The following ARID1A variants were observed in gnomAD, a reference collection of about 807,000 sequenced individuals.
ARID1A encodes AT-rich interactive domain-containing protein 1A.
Under a neutral mutation model 212.6 loss-of-function variants are expected in ARID1A, and 20 were observed. That is an observed-to-expected ratio of 0.09 (90% CI 0.07 to 0.14). The LOEUF is 0.14. ARID1A is among the 10% of genes least tolerant of loss of function. ARID1A has a pLI of 1.00. For synonymous variants in ARID1A, 1,376 were observed against 1,222.1 expected (o/e 1.13, Z -2.63); for missense variants, 2,587 against 3,059.0 (o/e 0.85, Z 3.64).
intron 4 of ARID1A, among the ~76,000 whole-genome samples, chr1:26,733,763 A>T (rs1211452268): frequency 6.6e-6 from 1 of 152,192 alleles, no homozygotes; most frequent in African/African-American, 2.4e-5. Context: ...AGGAAATGGA[A>T]ATTCAGCCAC....
At chr1:26,704,462 T>C (rs1222963044) in intron 1 of ARID1A, among the ~76,000 whole-genome samples, 1 of 152,156 alleles carries the variant, frequency 6.6e-6, no homozygotes, top group Non-Finnish European at 1.5e-5. Flanking sequence ...CTGGGAGCTG[T>C]GTTCAAGTCA....
At chr1:26,725,217 C>T (rs1444333798) in intron 1 of ARID1A, among the ~76,000 whole-genome samples, 1 of 152,026 alleles carries the variant, frequency 6.6e-6, no homozygotes, top group Non-Finnish European at 1.5e-5. Flanking sequence ...GTTTCCATCC[C>T]CTGCCTTGTG....
rs769438406 is a variant in ARID1A, at chr1:26,779,378, G to A, written c.5480G>A (p.Cys1827Tyr). Residue 1827 changes from cysteine (C) to tyrosine (Y), a missense_variant, in exon 20 of 20, where the codon TGC (cysteine) becomes TAC (tyrosine). This residue lies in a region of ARID1A where 890 missense variants were observed against 1,098.2 expected (regional missense o/e 0.81). Transcript: ENST00000324856. ...VQKNDPFVVD[C>Y]SDKLGRVQEF... The stretch of plus-strand genomic sequence containing the variant: ...AAGAATGATCCATTTGTGGTGGACT[G>A]CTCAGATAAGCTTGGGCGTGTGCAG... 1.2e-6 allele frequency: 2 copies of A among 1,614,230 alleles called. No individual in the cohort carries two copies. The highest frequency in any genetic ancestry group is 2.7e-5 in the African/African-American group (2 of 75,058).
chr1:26,778,068 CAAAAA>C (rs35541790), intron 19 of ARID1A: 2 of 101,108 alleles, frequency 2.0e-5, no homozygotes, highest in African/African-American at 3.9e-5. Context: ...GACTCTGTCT[CAAAAA>C]AAAAAAAAAA....
chr1:26,753,782 T>A (rs1463839009), intron 4 of ARID1A, among the ~76,000 whole-genome samples: 1 of 152,204 alleles, frequency 6.6e-6, no homozygotes, highest in Non-Finnish European at 1.5e-5. Flanking sequence ...TTAGGTGTGC[T>A]CTTTTGGGAG....
intron 4 of ARID1A, among the ~76,000 whole-genome samples, chr1:26,741,512 G>A (rs2080788339): frequency 6.6e-6 from 1 of 152,186 alleles, no homozygotes; most frequent in Non-Finnish European, 1.5e-5. Flanking sequence ...AGAGGGAAAA[G>A]TGAAGGTGCT....
intron 1 of ARID1A, among the ~76,000 whole-genome samples, chr1:26,704,646 C>G (rs1041929464): frequency 6.6e-6 from 1 of 152,008 alleles, no homozygotes; most frequent in Non-Finnish European, 1.5e-5. Flanking sequence ...TTGCCCAAGC[C>G]CAGGACCAGC....
chr1:26,780,868 GCTGTCCAGCTTCTCCCT>G lies in ARID1A; in HGVS notation c.*113_*129del, dbSNP rs1288293349. Reference sequence around the variant, plus strand: ...CACCTCAGAATCCAGTTTACCCTGTGCTGTCCAGCTTCTCCCTTGGGAAAAAGTCTCTCCTGTTTCTC... The same window carrying G: ...CACCTCAGAATCCAGTTTACCCTGTGTGGGAAAAAGTCTCTCCTGTTTCTC... On this transcript the variant is annotated 3_prime_UTR_variant, in exon 20 of 20. Coordinates refer to ENST00000324856, the MANE Select transcript of ARID1A (RefSeq NM_006015.6). This position sits in a 1 kb window ranked among gnomAD's most constrained non-coding sequence, Gnocchi z 7.2. The G allele has an allele frequency of 1.4e-6, 2 of 1,411,274 alleles. No individual in the cohort carries two copies. The highest frequency in any genetic ancestry group is 1.9e-6 in the Non-Finnish European group (2 of 1,055,466). 87.4% of individuals were successfully genotyped at this position (1,411,274 alleles called of 1,614,324 possible).
chr1:26,710,485 A>AC (rs2124762841), intron 1 of ARID1A, among the ~76,000 whole-genome samples: 3 of 135,478 alleles, frequency 2.2e-5, no homozygotes, highest in Admixed American at 8.0e-5. Flanking sequence ...CAAAAAATAA[A>AC]ATAATACATA....
chr1:26,779,393 G>T lies in ARID1A; in HGVS notation c.5495G>T (p.Gly1832Val), dbSNP rs1570621587. The T allele has an allele frequency of 6.2e-7, 1 of 1,614,182 alleles. No homozygotes were observed. The highest frequency in any genetic ancestry group is 1.1e-5 in the South Asian group (1 of 91,090). ...GTGGTGGACTGCTCAGATAAGCTTG[G>T]GCGTGTGCAGGAGTTTGACAGTGGC... is the stretch of plus-strand genomic sequence containing the variant. ...PFVVDCSDKL[G>V]RVQEFDSGLL... The change falls in exon 20 of 20, where the codon GGG becomes GTG. Residue 1832 changes from glycine to valine, a missense_variant. By Grantham distance (109) the Gly-to-Val change is moderately radical. Coordinates refer to ENST00000324856, the MANE Select transcript of ARID1A (RefSeq NM_006015.6).
Position 26,779,856 on chromosome 1 carries a change from T to C in ARID1A, c.5958T>C (p.Asn1986=), listed in dbSNP as rs770488183. Residue 1986 remains asparagine, a synonymous_variant, in exon 20 of 20, where the codon AAT becomes AAC. Coordinates refer to ENST00000324856, the MANE Select transcript of ARID1A (RefSeq NM_006015.6). ...CCAAGCGCTGCGTCTGTGTGTCCAA[T>C]ACCATTCGAAGCCTGTCATTTGTGC... ...SLAKRCVCVS[N]TIRSLSFVPG... 2 of 1,614,104 alleles carry C rather than the reference T, an allele frequency of 1.2e-6. No homozygotes were observed. The highest frequency in any genetic ancestry group is 1.7e-6 in the Non-Finnish European group (2 of 1,180,016).
At position 26,696,135 on chromosome 1, in the gene ARID1A, G is replaced by T; in HGVS notation, c.-269G>T. The stretch of plus-strand genomic sequence containing the variant: ...TGGGGGGAATGAGCCGGGAGAGCCG[G>T]GTCCCGAGCCTACAGAGCCGGGAGC... On this transcript the variant is annotated 5_prime_UTR_variant, in exon 1 of 20. Coordinates refer to ENST00000324856, the MANE Select transcript of ARID1A (RefSeq NM_006015.6). 1 of 485,720 alleles carries T rather than the reference G, an allele frequency of 2.1e-6. No individual in the cohort carries two copies. The highest frequency in any genetic ancestry group is 2.9e-6 in the Non-Finnish European group (1 of 341,660). 30.1% of individuals were successfully genotyped at this position (485,720 alleles called of 1,614,324 possible).
intron 1 of ARID1A, among the ~76,000 whole-genome samples, chr1:26,707,199 A>ATTT (rs2080400959): frequency 1.5e-5 from 2 of 132,634 alleles, no homozygotes; most frequent in Non-Finnish European, 3.3e-5. Flanking sequence ...GCGGCTGGCT[A>ATTT]ATTTTTTTTT....
intron 4 of ARID1A, among the ~76,000 whole-genome samples, chr1:26,745,251 A>G (rs1323909295): frequency 1.3e-5 from 2 of 152,196 alleles, no homozygotes; most frequent in Non-Finnish European, 2.9e-5. Context: ...CTCTTGAATC[A>G]TACCCCTAAA....
intron 1 of ARID1A, among the ~76,000 whole-genome samples, chr1:26,711,802 G>T (rs561156971): frequency 3.9e-5 from 6 of 152,122 alleles, no homozygotes; most frequent in Non-Finnish European, 7.4e-5. Flanking sequence ...ATCTTGACTG[G>T]CAGGGCATGG....
At chr1:26,737,111 G>C (rs548145551) in intron 4 of ARID1A, among the ~76,000 whole-genome samples, 9 of 151,902 alleles carry the variant, frequency 5.9e-5, no homozygotes, top group African/African-American at 2.2e-4. Context: ...ACCTGTGCTT[G>C]CTTTTTTTTT....
At position 26,766,546 on chromosome 1, in the gene ARID1A, A is replaced by C. The variant is rs1307427980; in HGVS notation, c.2968A>C (p.Lys990Gln). 2 of 1,612,882 alleles carry C rather than the reference A, an allele frequency of 1.2e-6. No homozygotes were observed. The highest frequency in any genetic ancestry group is 1.7e-6 in the Non-Finnish European group (2 of 1,179,370). The change falls in exon 10 of 20, where the codon AAG becomes CAG. Residue 990 changes from lysine to glutamine, a missense_variant. Lys to Gln is a moderately conservative substitution (Grantham distance 53). This residue lies in a region of ARID1A where 674 missense variants were observed against 813.4 expected (regional missense o/e 0.83). Coordinates refer to ENST00000324856, the MANE Select transcript of ARID1A (RefSeq NM_006015.6). Reference sequence around the variant, plus strand: ...GAACAACAAGGCAGATGGGACACCCAAGACAGAATCCAAATCCAAGGTAGT... The same window carrying C: ...GAACAACAAGGCAGATGGGACACCCCAGACAGAATCCAAATCCAAGGTAGT... ...KMNNKADGTP[K>Q]TESKSKKSSS... is the part of the protein sequence containing the mutation.
chr1:26,704,039 C>A (rs138408829), intron 1 of ARID1A, among the ~76,000 whole-genome samples: 144 of 152,274 alleles, frequency 9.5e-4, no homozygotes, highest in African/African-American at 3.4e-3. Context: ...ACTTAGAATA[C>A]TAATTTGCCT....
At chr1:26,740,267 G>A (rs565801829) in intron 4 of ARID1A, among the ~76,000 whole-genome samples, 1 of 152,160 alleles carries the variant, frequency 6.6e-6, no homozygotes, top group Non-Finnish European at 1.5e-5. Flanking sequence ...CCATGATTCC[G>A]AATATGATAC....
Sources: gnomAD v4.1 joint callset for allele counts (sites outside exome capture counted in the v4.1 genomes callset) on GRCh38, gnomAD v4.1.1 for gene constraint, gnomAD v4.1.1 regional missense constraint, Gnocchi (gnomAD v3.1) non-coding constraint, MANE v1.5 for transcripts, NCBI Gene and HGNC (gene_info 2026-07-23, HGNC 2026-07-21) for gene names.